The following EVPL variants were observed in gnomAD, a reference collection of about 807,000 sequenced individuals.
EVPL encodes the protein envoplakin, also known as 210 kDa cornified envelope precursor protein.
Under a neutral mutation model 129.7 loss-of-function variants are expected in EVPL, and 94 were observed. The ratio of observed to expected loss-of-function variants is 0.72; its 90% CI spans 0.61 to 0.86. The LOEUF (loss-of-function observed/expected upper bound fraction) is 0.86. EVPL is among the 40% of genes least tolerant of loss of function. EVPL has a pLI of 0.00. For missense variants in EVPL, 2,625 were observed against 2,721.1 expected, an observed-to-expected ratio of 0.96 and a Z score of 0.79; for synonymous variants, 1,172 against 1,191.1, an observed-to-expected ratio of 0.98 and a Z score of 0.33.
chr17:76,014,572 T>C lies in EVPL; in HGVS notation c.2227A>G (p.Lys743Glu). 2 of 1,611,720 alleles carry C rather than the reference T, an allele frequency of 1.2e-6. No individual in the cohort carries two copies. Among genetic ancestry groups the C allele is most frequent in the African/African-American group, 1.3e-5 (1 of 74,892 alleles). Residue 743 changes from lysine to glutamate, a missense_variant, in exon 18 of 22, where the codon AAG becomes GAG. By Grantham distance (56) the Lys-to-Glu change is moderately conservative. Coordinates refer to ENST00000301607, the MANE Select transcript of EVPL (RefSeq NM_001988.4). ...AVGDQLDLREKVVQDAALTYQ... is the reference protein window; with the variant it reads ...AVGDQLDLREEVVQDAALTYQ... ...GTGAGGGCGGCATCCTGCACCACCTTCTCCCTGCAGGAGGACGAGGCCCAG... is the reference window on the plus strand; with the variant it reads ...GTGAGGGCGGCATCCTGCACCACCTCCTCCCTGCAGGAGGACGAGGCCCAG...
chr17:76,007,630 G>A lies in EVPL; in HGVS notation c.5575C>T (p.Leu1859=), dbSNP rs2066330218. Reference sequence around the variant, plus strand: ...CCCCCTGTGGCCGCCTGGGCCTCCAGTAGCTTCTGCCCAGTGATGGGGTCC... The same window carrying A: ...CCCCCTGTGGCCGCCTGGGCCTCCAATAGCTTCTGCCCAGTGATGGGGTCC... ...MLDPITGQKL[L]EAQAATGGIV... The change falls in exon 22 of 22, where the codon CTG becomes TTG. Residue 1859 remains leucine, a synonymous_variant. Transcript: ENST00000301607. The surrounding 1 kb of genome is among the most constrained non-coding windows in gnomAD (Gnocchi z 8.8). 1.2e-6 allele frequency: 2 copies of A among 1,613,748 alleles called. No individual in the cohort carries two copies. Among genetic ancestry groups the A allele is most frequent in the Non-Finnish European group, 1.7e-6 (2 of 1,180,044 alleles).
rs114287463 is a variant in EVPL, at chr17:76,010,205, G to T, written c.3000C>A (p.Val1000=). The change falls in exon 22 of 22, where the codon GTC becomes GTA. Residue 1000 remains valine, a synonymous_variant. Transcript: ENST00000301607. Reference sequence around the variant, plus strand: ...TCTTCCTCTTGCTTTCCAGCTGCACGACCTTCTGGGCTGCCACTTCCAGGT... The same window carrying T: ...TCTTCCTCTTGCTTTCCAGCTGCACTACCTTCTGGGCTGCCACTTCCAGGT... ...QADLEVAAQK[V]VQLESKRKTM... is the part of the protein sequence containing the mutation. The T allele has an allele frequency of 1.3e-3, 2,066 of 1,613,924 alleles. 23 individuals carry two copies. In the African/African-American group the frequency reaches 0.024, roughly 19 times the overall value.
rs766268542 is a variant in EVPL at position 76,014,959 on chromosome 17, G to A, written c.2179C>T (p.Leu727Phe). ...LPRQQRQVRA[L>F]TDRYHAVGDQ... Reference sequence around the variant, plus strand: ...CCTACGGCGTGGTAGCGGTCGGTGAGGGCTCGCACCTGGCGCTGCTGGCGA... The same window carrying A: ...CCTACGGCGTGGTAGCGGTCGGTGAAGGCTCGCACCTGGCGCTGCTGGCGA... The change falls in exon 17 of 22, where the codon CTC becomes TTC. Residue 727 changes from leucine (L) to phenylalanine (F), a missense_variant. Leu to Phe is a conservative substitution (Grantham distance 22). This residue lies in a region of EVPL where 1,024 missense variants were observed against 997.5 expected (regional missense o/e 1.03). Coordinates refer to ENST00000301607, the MANE Select transcript of EVPL (RefSeq NM_001988.4). The A allele has an allele frequency of 1.9e-6, 3 of 1,595,286 alleles. No individual in the cohort carries two copies. Among genetic ancestry groups the A allele is most frequent in the Non-Finnish European group, 2.6e-6 (3 of 1,173,550 alleles).
intron 11 of EVPL, 88 bp downstream of exon 11, chr17:76,018,826 G>T: frequency 7.0e-7 from 1 of 1,425,622 alleles, no homozygotes; most frequent in South Asian, 1.5e-5. Context: ...AGACAGCTGG[G>T]GATGGAGCAG....
chr17:76,007,111 G>C lies in EVPL; in HGVS notation c.6094C>G (p.Leu2032Val). 5 of 1,463,148 alleles carry C rather than the reference G, an allele frequency of 3.4e-6. No homozygotes were observed. Among genetic ancestry groups the C allele is most frequent in the Non-Finnish European group, 3.6e-6 (4 of 1,106,304 alleles). 90.6% of individuals were successfully genotyped at this position (1,463,148 alleles called of 1,614,324 possible). A position where few individuals can be genotyped will look rare whatever the true frequency, so the allele number is the denominator to read the frequency against. The change falls in exon 22 of 22, where the codon CTT becomes GTT. Residue 2032 changes from leucine to valine, a missense_variant. Leu to Val is a conservative substitution (Grantham distance 32, BLOSUM62 1). Coordinates refer to ENST00000301607, the MANE Select transcript of EVPL (RefSeq NM_001988.4). The surrounding 1 kb of genome is among the most constrained non-coding windows in gnomAD (Gnocchi z 8.8). ...RSASPTVPRS[L>V]R ...TGGCTCCTTGGCCCGTGTCAGCGAA[G>C]GGAGCGCGGGACGGTGGGGGAGGCG...
In EVPL at chr17:76,007,239, T is replaced by C; in HGVS notation, c.5966A>G (p.Glu1989Gly). ...CATGGCCTCCTTGTAGCTCAGCCGT[T>C]CCTTGGAGATGGGGTCTGTCAAATC... is the stretch of plus-strand genomic sequence containing the variant. ...EKDLTDPISK[E>G]RLSYKEAMGR... Residue 1989 changes from glutamate (E) to glycine (G), a missense_variant, in exon 22 of 22, where the codon GAA (glutamate) becomes GGA (glycine). Glu to Gly is a moderately conservative substitution (Grantham distance 98). Transcript: ENST00000301607. The surrounding 1 kb of genome is among the most constrained non-coding windows in gnomAD (Gnocchi z 8.8). The C allele has an allele frequency of 6.4e-7, 1 of 1,570,664 alleles. No homozygotes were observed. Among genetic ancestry groups the C allele is most frequent in the Non-Finnish European group, 8.6e-7 (1 of 1,156,808 alleles).
rs1417853806 is a variant in EVPL, at chr17:76,008,767, C to T, written c.4438G>A (p.Ala1480Thr). 6.2e-7 allele frequency: 1 copy of T among 1,614,200 alleles called. No individual in the cohort carries two copies. Among genetic ancestry groups the T allele is most frequent in the Non-Finnish European group, 8.5e-7 (1 of 1,180,038 alleles). ...KDPDLEKSTE[A>T]LRWDLDQEKT... is the part of the protein sequence containing the mutation. ...TCCTGGTCCAGGTCCCACCGCAGGG[C>T]TTCCGTGGACTTCTCCAGGTCCGGG... The change falls in exon 22 of 22, where the codon GCC becomes ACC. Residue 1480 changes from alanine to threonine, a missense_variant. This residue lies in a region of EVPL where 1,453 missense variants were observed against 1,511.8 expected (regional missense o/e 0.96). Coordinates refer to ENST00000301607, the MANE Select transcript of EVPL (RefSeq NM_001988.4). This position sits in a 1 kb window ranked among gnomAD's most constrained non-coding sequence, Gnocchi z 7.4.
At position 76,012,320 on chromosome 17, in the gene EVPL, T is replaced by TTTG. The variant is rs2066384033; in HGVS notation, c.2374-232_2374-231insCAA. On this transcript the variant is annotated intron_variant, in intron 18 of 21. Transcript: ENST00000301607. ...GAATCCCTTTCTTTCCTTTTTTTTT[T>TTTG]TTTTGAGACCAAGTCTCACTCTGTC... 8 of 490,486 alleles carry TTTG rather than the reference T, an allele frequency of 1.6e-5. No homozygotes were observed. The South Asian group carries it at 2.5e-4, about 15-fold the overall frequency. 30.4% of individuals were successfully genotyped at this position (490,486 alleles called of 1,614,324 possible).
Position 76,015,067 on chromosome 17 carries a change from G to A in EVPL, c.2071C>T (p.Arg691Trp), listed in dbSNP as rs747747355. Reference sequence around the variant, plus strand: ...GAGGCCTTCAGCGCGCGGTGTAGCCGCAGCACGCAGGTCTGCTGTTCCAGC... The same window carrying A: ...GAGGCCTTCAGCGCGCGGTGTAGCCACAGCACGCAGGTCTGCTGTTCCAGC... ...ELLEQQTCVLRLHRALKASEH... is the reference protein window; with the variant it reads ...ELLEQQTCVLWLHRALKASEH... The change falls in exon 17 of 22, where the codon CGG (arginine) becomes TGG (tryptophan). Residue 691 changes from arginine (R) to tryptophan (W), a missense_variant. By Grantham distance (101) the Arg-to-Trp change is moderately radical. Coordinates refer to ENST00000301607, the MANE Select transcript of EVPL (RefSeq NM_001988.4). 13 of 1,583,142 alleles carry A rather than the reference G, an allele frequency of 8.2e-6. No individual in the cohort carries two copies. In the East Asian group the frequency reaches 2.3e-4, roughly 27 times the overall value.
In EVPL at chr17:76,007,837, G is replaced by A; in HGVS notation, c.5368C>T (p.Leu1790Phe). ...TTGGAGATGATAGAGCCGATGGAGA[G>A]TGAGGAGCTTGGCTTGGTCTCCCCA... Reference protein sequence around the residue: ...VAGETKPSSSLSIGSIISKSP... With the variant: ...VAGETKPSSSFSIGSIISKSP... The change falls in exon 22 of 22, where the codon CTC (leucine) becomes TTC (phenylalanine). Residue 1790 changes from leucine (L) to phenylalanine (F), a missense_variant. By Grantham distance (22) the Leu-to-Phe change is conservative. This residue lies in a region of EVPL where 1,453 missense variants were observed against 1,511.8 expected (regional missense o/e 0.96). Transcript: ENST00000301607. This position sits in a 1 kb window ranked among gnomAD's most constrained non-coding sequence, Gnocchi z 8.8. The A allele has an allele frequency of 2.5e-6, 4 of 1,612,062 alleles. No homozygotes were observed. The highest frequency in any genetic ancestry group is 2.5e-6 in the Non-Finnish European group (3 of 1,178,416).
At chr17:76,021,384 C>T (rs2066455858) in intron 9 of EVPL, 84 bp downstream of exon 9, 1 of 1,304,104 alleles carries the variant, frequency 7.7e-7, no homozygotes, top group Non-Finnish European at 1.1e-6. Flanking sequence ...GGTGCAGTGC[C>T]TCTCCTGTGG....
chr17:76,007,961 G>A lies in EVPL; in HGVS notation c.5244C>T (p.Ser1748=). ...GCCGGCAGCGGAGGGCGGCCTCGAT[G>A]GAGTACTGCTTCCCGCTCTTGCGGT... ...LLDRKSGKQY[S]IEAALRCRRI... is the part of the protein sequence containing the mutation. The change falls in exon 22 of 22, where the codon TCC becomes TCT. Residue 1748 remains serine (S), a synonymous_variant. Coordinates refer to ENST00000301607, the MANE Select transcript of EVPL (RefSeq NM_001988.4). This position sits in a 1 kb window ranked among gnomAD's most constrained non-coding sequence, Gnocchi z 8.8. 1 of 1,614,114 alleles carries A rather than the reference G, an allele frequency of 6.2e-7. No homozygotes were observed. Among genetic ancestry groups the A allele is most frequent in the Non-Finnish European group, 8.5e-7 (1 of 1,180,022 alleles).
At chr17:76,018,071 A>T in intron 13 of EVPL, 90 bp downstream of exon 13, 2 of 1,533,970 alleles carry the variant, frequency 1.3e-6, no homozygotes, top group Non-Finnish European at 1.8e-6. Flanking sequence ...CCCTAACCCA[A>T]GGCGACCCCT....
At position 76,018,257 on chromosome 17, in the gene EVPL, G is replaced by A. The variant is rs1416374736; in HGVS notation, c.1441C>T (p.Leu481=). 1 of 1,540,718 alleles carries A rather than the reference G, an allele frequency of 6.5e-7. No individual in the cohort carries two copies. Among genetic ancestry groups the A allele is most frequent in the Admixed American group, 2.0e-5 (1 of 49,202 alleles). ...DPDAVARASR[L]ASELQALKQK... ...TTCAGGGCCTGCAGCTCTGAGGCCA[G>A]CCTAGAATGAAGAGGAGATTGAAGA... Residue 481 remains leucine, a splice_region_variant and synonymous_variant, in exon 13 of 22, where the codon CTG becomes TTG. Coordinates refer to ENST00000301607, the MANE Select transcript of EVPL (RefSeq NM_001988.4).
chr17:76,021,606 C>CCGG, intron 8 of EVPL, 43 bp from the exon 9 acceptor site: 2 of 1,336,538 alleles, frequency 1.5e-6, no homozygotes, highest in Non-Finnish European at 9.9e-7. Flanking sequence ...GCCCCCCCCA[C>CCGG]GTCCGCCCCA....
Position 76,009,433 on chromosome 17 carries a change from C to CCACCTCCTGGGT in EVPL, c.3760_3771dup (p.Thr1254_Val1257dup), listed in dbSNP as rs754702319. The CCACCTCCTGGGT allele has an allele frequency of 3.1e-6, 5 of 1,614,148 alleles. No individual in the cohort carries two copies. Among genetic ancestry groups the CCACCTCCTGGGT allele is most frequent in the Non-Finnish European group, 3.4e-6 (4 of 1,180,014 alleles). ...ACCTCGGGGCTCCTCTCATGCCTCA[C>CCACCTCCTGGGT]CACCTCCTGGGTCACCTCCTTGTAC... On this transcript the variant is annotated inframe_insertion, in exon 22 of 22. Transcript: ENST00000301607. This position sits in a 1 kb window ranked among gnomAD's most constrained non-coding sequence, Gnocchi z 5.9.
chr17:76,010,030 C>A lies in EVPL; in HGVS notation c.3175G>T (p.Glu1059Ter). ...TCCCTCTTCTCAAGGGCCAGTAGCT[C>A]CTTCTTCAGCCCTTCCAGCCGGGCC... Reference protein sequence around the residue: ...ISARLEGLKKELLALEKREVD... With the variant: ...ISARLEGLKK Residue 1059 changes from glutamate to a stop codon, truncating the protein, a stop_gained, in exon 22 of 22, where the codon GAG (glutamate) becomes TAG (stop). Transcript: ENST00000301607. LOFTEE classifies it low-confidence loss of function (END_TRUNC). 6.2e-7 allele frequency: 1 copy of A among 1,613,162 alleles called. No homozygotes were observed. The highest frequency in any genetic ancestry group is 1.1e-5 in the South Asian group (1 of 91,084).
intron 11 of EVPL, 115 bp downstream of exon 11, chr17:76,018,799 G>A: frequency 7.7e-7 from 1 of 1,291,962 alleles, no homozygotes; most frequent in East Asian, 2.9e-5. Context: ...AAGGAGTAGG[G>A]CAAAAGTGGG....
chr17:76,011,793 C>T lies in EVPL; in HGVS notation c.2547G>A (p.Leu849=), dbSNP rs766341471. The T allele has an allele frequency of 6.2e-7, 1 of 1,612,376 alleles. No individual in the cohort carries two copies. Among genetic ancestry groups the T allele is most frequent in the African/African-American group, 1.3e-5 (1 of 74,894 alleles). Residue 849 remains leucine, a synonymous_variant, in exon 20 of 22, where the codon CTG becomes CTA. Transcript: ENST00000301607. ...TCACCTGGGCTTGGATGCTCTCTTG[C>T]AGGGGAGCCACTCGGGGTCTCTTGG... is the stretch of plus-strand genomic sequence containing the variant. The part of the protein sequence containing the change: ...SAPKRPRVAP[L]QESIQAQEKN...
Sources: gnomAD v4.1 joint callset for allele counts on GRCh38, gnomAD v4.1.1 for gene constraint, gnomAD v4.1.1 regional missense constraint, Gnocchi (gnomAD v3.1) non-coding constraint, MANE v1.5 for transcripts, NCBI Gene and HGNC (gene_info 2026-07-23, HGNC 2026-07-21) for gene names.